The following METTL16 variants were observed in gnomAD, a reference collection of about 807,000 sequenced individuals.
METTL16 encodes RNA N(6)-adenosine-methyltransferase METTL16.
METTL16 carries 19 observed loss-of-function variants against 57.9 expected under a neutral mutation model. The observed-to-expected ratio is 0.33, with a 90% confidence interval of 0.23 to 0.48. The LOEUF (loss-of-function observed/expected upper bound fraction) is 0.48. Among genes scored for constraint, METTL16 ranks in the 20% least tolerant of loss-of-function variants. The probability of loss-of-function intolerance (pLI) is 0.99; values close to 1 mark genes in which losing one functional copy is unlikely to be tolerated. For missense variants in METTL16, 434 were observed against 691.5 expected (o/e 0.63, Z 4.18); for synonymous variants, 246 against 255.6 (o/e 0.96, Z 0.36).
At chr17:2,450,249 G>A (rs1030920462) in intron 6 of METTL16, among the ~76,000 whole-genome samples, 8 of 152,170 alleles carry the variant, frequency 5.3e-5, no homozygotes, top group African/African-American at 1.7e-4. Context: ...ATGGATGAAC[G>A]AACTGTGGTA....
At chr17:2,428,600 T>TTAA (rs1314678311) in intron 8 of METTL16, among the ~76,000 whole-genome samples, 2 of 29,998 alleles carry the variant, frequency 6.7e-5, no homozygotes, top group Non-Finnish European at 1.0e-4. Flanking sequence ...TATATATATA[T>TTAA]ATAAATTGTA....
At chr17:2,454,549 A>ATATTAT (rs1187489850) in intron 6 of METTL16, among the ~76,000 whole-genome samples, 4 of 144,510 alleles carry the variant, frequency 2.8e-5, no homozygotes, top group African/African-American at 7.8e-5. Flanking sequence ...GGATAAGACT[A>ATATTAT]TATTATTATT....
chr17:2,461,253 A>G (rs1211825117), intron 6 of METTL16, among the ~76,000 whole-genome samples: 2 of 152,130 alleles, frequency 1.3e-5, no homozygotes, highest in African/African-American at 4.8e-5. Flanking sequence ...ACTACTCAGG[A>G]AGTTGAGGCA....
intron 8 of METTL16, among the ~76,000 whole-genome samples, chr17:2,426,867 G>T (rs1160824341): frequency 6.6e-6 from 1 of 151,848 alleles, no homozygotes; most frequent in Non-Finnish European, 1.5e-5. Context: ...AGGCACGGTG[G>T]CTCATGCCTG....
chr17:2,448,825 A>T (rs867834045), intron 6 of METTL16, among the ~76,000 whole-genome samples: 2 of 140,524 alleles, frequency 1.4e-5, no homozygotes, highest in African/African-American at 5.1e-5. Context: ...AAAAAAAAAA[A>T]AGAGCATCCT....
chr17:2,479,065 A>G (rs1254554334), intron 2 of METTL16, among the ~76,000 whole-genome samples: 1 of 152,224 alleles, frequency 6.6e-6, no homozygotes, highest in East Asian at 1.9e-4. Context: ...CAATATAACT[A>G]TGTTGATGTC....
intron 4 of METTL16, among the ~76,000 whole-genome samples, chr17:2,470,645 C>T (rs752403121): frequency 2.6e-5 from 4 of 151,710 alleles, no homozygotes; most frequent in African/African-American, 7.3e-5. Flanking sequence ...CCCATCTCTA[C>T]AAAAAAAACA....
chr17:2,505,568 C>T (rs1225383120), intron 1 of METTL16, among the ~76,000 whole-genome samples: 1 of 151,786 alleles, frequency 6.6e-6, no homozygotes. Flanking sequence ...TTTTTATTTA[C>T]TTACTTTTAT....
chr17:2,449,353 C>CA, intron 6 of METTL16, among the ~76,000 whole-genome samples: 1 of 151,998 alleles, frequency 6.6e-6, no homozygotes, highest in Non-Finnish European at 1.5e-5. Flanking sequence ...TATGGAAATG[C>CA]AAAAGATTTC....
At chr17:2,462,871 T>C (rs2067160566) in intron 6 of METTL16, among the ~76,000 whole-genome samples, 1 of 152,118 alleles carries the variant, frequency 6.6e-6, no homozygotes, top group African/African-American at 2.4e-5. Flanking sequence ...TTTACCACAA[T>C]AATAATAATA....
chr17:2,458,839 C>T lies in METTL16; in HGVS notation c.728+5369G>A, dbSNP rs141078156. On this transcript the variant is annotated intron_variant, in intron 6 of 9. Transcript: ENST00000263092. The stretch of plus-strand genomic sequence containing the variant: ...TTTTCTTTTTTGAGATAGGGTCTCA[C>T]TCTGTCACTCAAGCTGGAGTGCAGT... 7.3e-3 allele frequency among the ~76,000 whole-genome samples: 1,109 copies of T among 151,196 alleles called. 11 individuals carry two copies. The highest frequency in any genetic ancestry group is 0.01 in the Non-Finnish European group (705 of 67,842).
chr17:2,426,030 C>CAAAAAAA (rs71375599), intron 8 of METTL16, among the ~76,000 whole-genome samples: 1 of 93,166 alleles, frequency 1.1e-5, no homozygotes, highest in Non-Finnish European at 2.3e-5. Flanking sequence ...ATGGCTAAGG[C>CAAAAAAA]AAAAAAAAAA....
intron 1 of METTL16, 63 bp from the exon 2 acceptor site, chr17:2,502,394 G>A (rs1228130772): frequency 3.3e-6 from 5 of 1,535,042 alleles, no homozygotes; most frequent in Non-Finnish European, 4.4e-6. Context: ...ATGGGGGCCG[G>A]GTGCGGTGCC....
intron 4 of METTL16, among the ~76,000 whole-genome samples, chr17:2,471,538 C>G (rs542659473): frequency 2.6e-5 from 4 of 152,208 alleles, no homozygotes; most frequent in African/African-American, 9.6e-5. Context: ...GCCTGTAATC[C>G]CAGTACTTTG....
At position 2,434,301 on chromosome 17, in the gene METTL16, G is replaced by A. The variant is rs535613734; in HGVS notation, c.888+3808C>T. On this transcript the variant is annotated intron_variant, in intron 8 of 9. Transcript: ENST00000263092. The stretch of plus-strand genomic sequence containing the variant: ...GTAACCTCCGCCCACTGTAACCTCC[G>A]CCTTGCAGGTTCAAGCGATTCTCCT... Among the ~76,000 whole-genome samples, 73 of 152,238 alleles carry A rather than the reference G, an allele frequency of 4.8e-4. 2 individuals are homozygous for A. The Middle Eastern group carries it at 0.034, about 71-fold the overall frequency.
rs536730912 is a variant in METTL16, at chr17:2,441,707, T to G, written c.729-148A>C. ...AAAATATCAGGAATTACATACAATG[T>G]ATTTCGACAAAGACCAAATCTAATG... On this transcript the variant is annotated intron_variant, in intron 6 of 9. Transcript: ENST00000263092. The G allele has an allele frequency of 3.4e-4, 156 of 455,552 alleles. 1 individual carries two copies. The highest frequency in any genetic ancestry group is 2.3e-3 in the East Asian group (66 of 28,164). The allele number at this position is 455,552 out of a possible 1,614,324, so 28.2% of individuals were successfully genotyped here.
At chr17:2,453,780 T>C (rs527635411) in intron 6 of METTL16, among the ~76,000 whole-genome samples, 52 of 152,350 alleles carry the variant, frequency 3.4e-4, no homozygotes, top group African/African-American at 1.2e-3. Flanking sequence ...TAAAACTGTA[T>C]GAAACTGACA....
At chr17:2,493,493 C>A (rs553803493) in intron 2 of METTL16, among the ~76,000 whole-genome samples, 5 of 151,748 alleles carry the variant, frequency 3.3e-5, no homozygotes, top group Non-Finnish European at 5.9e-5. Context: ...CCAAAGCGGG[C>A]GGATCACTTG....
intron 2 of METTL16, among the ~76,000 whole-genome samples, chr17:2,491,907 T>TAAATAA (rs1417753949): frequency 1.7e-5 from 2 of 120,926 alleles, no homozygotes; most frequent in East Asian, 2.3e-4. Context: ...TCAGTTAAAA[T>TAAATAA]AAATAAAAAT....
Sources: gnomAD v4.1 joint callset for allele counts (sites outside exome capture counted in the v4.1 genomes callset) on GRCh38, gnomAD v4.1.1 for gene constraint, MANE v1.5 for transcripts, NCBI Gene and HGNC (gene_info 2026-07-23, HGNC 2026-07-21) for gene names.